Variants in TENM2 observed in about 807,000 individuals in gnomAD.
TENM2 encodes the protein teneurin transmembrane protein 2.
TENM2 carries 52 observed loss-of-function variants against 245.2 expected under a neutral mutation model. That is an observed-to-expected ratio of 0.21 (90% CI 0.17 to 0.27). TENM2 has a LOEUF of 0.27. Ranked by LOEUF, TENM2 falls within the 10% of genes least tolerant of loss-of-function variation. The pLI is 1.00. For missense variants in TENM2, 3,046 were observed against 3,666.8 expected (o/e 0.83, Z 4.37); for synonymous variants, 1,363 against 1,438.9 (o/e 0.95, Z 1.19).
At chr5:167,901,991 T>A (rs1018909751) in intron 3 of TENM2, among the ~76,000 whole-genome samples, 1 of 152,238 alleles carries the variant, frequency 6.6e-6, no homozygotes, top group African/African-American at 2.4e-5. Flanking sequence ...TGAGCGAGTC[T>A]GTTTTCCCAT....
chr5:167,443,201 A>G (rs1764965829), intron 2 of TENM2, among the ~76,000 whole-genome samples: 1 of 152,084 alleles, frequency 6.6e-6, no homozygotes, highest in South Asian at 2.1e-4. Flanking sequence ...CTTTGAAATA[A>G]TGAGTCATGA....
intron 2 of TENM2, among the ~76,000 whole-genome samples, chr5:167,582,441 A>G (rs984806391): frequency 4.6e-5 from 7 of 152,192 alleles, no homozygotes; most frequent in South Asian, 2.1e-4. Flanking sequence ...ATACACACAC[A>G]TATAGTCTCT....
At chr5:167,022,440 C>A in the TENM2 span, among the ~76,000 whole-genome samples, 1 of 152,076 alleles carries the variant, frequency 6.6e-6, no homozygotes, top group Non-Finnish European at 1.5e-5. Context: ...TAACTTTTTA[C>A]GTAAATATAT....
At chr5:167,708,707 C>T (rs116722231) in intron 2 of TENM2, among the ~76,000 whole-genome samples, 3 of 152,276 alleles carry the variant, frequency 2.0e-5, no homozygotes, top group Non-Finnish European at 2.9e-5. Flanking sequence ...GCCTCTCCCC[C>T]TCTGCCTGCC....
At chr5:167,970,753 A>T (rs968616187) in intron 4 of TENM2, among the ~76,000 whole-genome samples, 5 of 152,082 alleles carry the variant, frequency 3.3e-5, no homozygotes, top group Non-Finnish European at 7.4e-5. Flanking sequence ...CCTAACATGC[A>T]ACACGTCCTA....
intron 3 of TENM2, among the ~76,000 whole-genome samples, chr5:167,895,591 C>T (rs1775153111): frequency 2.6e-5 from 4 of 152,202 alleles, no homozygotes; most frequent in Non-Finnish European, 4.4e-5. Flanking sequence ...AACAGAGGTT[C>T]TCACTCTCAA....
rs750685565 is a variant in TENM2 at position 167,723,253 on chromosome 5, A to C, written c.503-152733A>C. 1.2e-4 allele frequency among the ~76,000 whole-genome samples: 18 copies of C among 152,102 alleles called. 1 individual carries two copies. The highest frequency in any genetic ancestry group is 2.2e-4 in the Non-Finnish European group (15 of 68,026). On this transcript the variant is annotated intron_variant, in intron 2 of 28. Coordinates refer to ENST00000518659, the Ensembl canonical transcript of TENM2. ...TTGCATGGTGACTTTCCTTATATTC[A>C]AAGTTCATTCCAGACGCCCAGCCTG...
chr5:167,910,027 TC>T (rs1754292107), intron 3 of TENM2, among the ~76,000 whole-genome samples: 1 of 152,090 alleles, frequency 6.6e-6, no homozygotes, highest in Admixed American at 6.6e-5. Context: ...CTATGACTTG[TC>T]TCTTAGGACT....
chr5:167,169,616 A>G, the TENM2 span, among the ~76,000 whole-genome samples: 1 of 152,224 alleles, frequency 6.6e-6, no homozygotes, highest in Non-Finnish European at 1.5e-5. Context: ...TGCATAGACC[A>G]TAGTAAGCAC....
At chr5:167,809,157 C>T (rs1225297942) in intron 2 of TENM2, among the ~76,000 whole-genome samples, 3 of 152,130 alleles carry the variant, frequency 2.0e-5, no homozygotes. Context: ...AGAAAAGAAC[C>T]AAGATCCACA....
chr5:167,828,280 C>T (rs1768158168), intron 2 of TENM2, among the ~76,000 whole-genome samples: 1 of 152,172 alleles, frequency 6.6e-6, no homozygotes, highest in Non-Finnish European at 1.5e-5. Flanking sequence ...CGGCTACTCT[C>T]ATCCCTCAGA....
intron 25 of TENM2, chr5:168,230,928 T>TA (rs1193513595): frequency 1.3e-5 from 2 of 152,214 alleles, no homozygotes; most frequent in African/African-American, 4.8e-5. Context: ...GGTAACAAAT[T>TA]AACCCTGAAA....
intron 2 of TENM2, among the ~76,000 whole-genome samples, chr5:167,799,696 C>G (rs1342280144): frequency 6.6e-6 from 1 of 152,138 alleles, no homozygotes; most frequent in African/African-American, 2.4e-5. Flanking sequence ...TTTAGAGGGT[C>G]TTGAAACTGT....
intron 27 of TENM2, 44 bp downstream of exon 29, chr5:168,248,415 G>T: frequency 1.3e-6 from 2 of 1,565,796 alleles, no homozygotes; most frequent in Non-Finnish European, 8.7e-7. Context: ...TCCCTCCAGG[G>T]TACTTGTTGC....
intron 9 of TENM2, among the ~76,000 whole-genome samples, chr5:168,105,037 T>C (rs895956169): frequency 3.3e-5 from 5 of 152,094 alleles, no homozygotes; most frequent in Non-Finnish European, 5.9e-5. Context: ...GAGTCCAAAA[T>C]ACTGTGATAC....
At chr5:168,041,621 C>G (rs1788197469) in intron 5 of TENM2, among the ~76,000 whole-genome samples, 1 of 152,210 alleles carries the variant, frequency 6.6e-6, no homozygotes, top group African/African-American at 2.4e-5. Flanking sequence ...GCGAGTGCCT[C>G]TGAACCCTAA....
At chr5:167,022,177 T>C in the TENM2 span, among the ~76,000 whole-genome samples, 3 of 152,212 alleles carry the variant, frequency 2.0e-5, no homozygotes, top group Non-Finnish European at 2.9e-5. Context: ...TAACATCTGC[T>C]TGTTAAAACA....
intron 2 of TENM2, among the ~76,000 whole-genome samples, chr5:167,851,318 G>T (rs978993822): frequency 1.3e-5 from 2 of 152,146 alleles, no homozygotes; most frequent in Non-Finnish European, 2.9e-5. Context: ...ATTAATGCTT[G>T]TGTGCATAGT....
chr5:167,308,172 G>C (rs972301472), intron 1 of TENM2: 8 of 152,194 alleles, frequency 5.3e-5, no homozygotes, highest in African/African-American at 1.9e-4. Flanking sequence ...TAATCTTTCA[G>C]CAACTCAGAT....
Sources: gnomAD v4.1 joint callset for allele counts (sites outside exome capture counted in the v4.1 genomes callset) on GRCh38, gnomAD v4.1.1 for gene constraint, MANE v1.5 for transcripts, NCBI Gene and HGNC (gene_info 2026-07-23, HGNC 2026-07-21) for gene names.